LRRTM4: variants seen among roughly 807,000 people sequenced by gnomAD.
The protein encoded by LRRTM4 is leucine rich repeat transmembrane neuronal 4, also known as leucine-rich repeat transmembrane neuronal protein 4.
In LRRTM4, 25 loss-of-function variants were observed where a neutral mutation model predicts 47.6. The observed-to-expected ratio is 0.53, with a 90% CI of 0.38 to 0.73. The LOEUF is 0.73. LRRTM4 is among the 30% of genes least tolerant of loss of function. The probability of loss-of-function intolerance (pLI) is 0.00; values close to 1 mark genes in which losing one functional copy is unlikely to be tolerated. For missense variants in LRRTM4, 638 were observed against 713.4 expected, an observed-to-expected ratio of 0.89 and a Z score of 1.20; for synonymous variants, 311 against 269.5, an observed-to-expected ratio of 1.15 and a Z score of -1.51.
intron 3 of LRRTM4, among the ~76,000 whole-genome samples, chr2:76,762,969 C>T (rs959466454): frequency 3.3e-5 from 5 of 152,014 alleles, no homozygotes; most frequent in South Asian, 2.1e-4. Context: ...ATATGACTGA[C>T]GGAAAAGAGA....
At chr2:77,084,467 T>C (rs1387024415) in intron 3 of LRRTM4, among the ~76,000 whole-genome samples, 4 of 152,232 alleles carry the variant, frequency 2.6e-5, no homozygotes, top group Admixed American at 1.3e-4. Context: ...TGTTGTGTTC[T>C]TTCTCACAGC....
At chr2:77,487,490 C>A (rs1006475657) in intron 3 of LRRTM4, among the ~76,000 whole-genome samples, 2 of 152,180 alleles carry the variant, frequency 1.3e-5, no homozygotes, top group African/African-American at 4.8e-5. Flanking sequence ...TTCCCACGAA[C>A]GCAGGAGAGA....
chr2:76,916,452 C>G (rs1203878323), intron 3 of LRRTM4, among the ~76,000 whole-genome samples: 2 of 146,700 alleles, frequency 1.4e-5, no homozygotes, highest in Non-Finnish European at 3.0e-5. Flanking sequence ...TGTAAAATTA[C>G]CAGCATCTGA....
intron 3 of LRRTM4, among the ~76,000 whole-genome samples, chr2:77,034,431 A>C (rs1678767403): frequency 6.6e-6 from 1 of 151,894 alleles, no homozygotes; most frequent in African/African-American, 2.4e-5. Context: ...GCACATTCCT[A>C]GACATAAATA....
intron 3 of LRRTM4, among the ~76,000 whole-genome samples, chr2:76,868,137 GTTGATA>G (rs1672517216): frequency 6.6e-6 from 1 of 152,166 alleles, no homozygotes; most frequent in South Asian, 2.1e-4. Context: ...AAAGTCATCT[GTTGATA>G]TTAAGAATAT....
At chr2:76,946,257 T>C (rs555482275) in intron 3 of LRRTM4, among the ~76,000 whole-genome samples, 1 of 152,060 alleles carries the variant, frequency 6.6e-6, no homozygotes, top group Admixed American at 6.5e-5. Context: ...TATAAAACTT[T>C]TGCATGATCT....
chr2:77,468,185 A>G (rs1276705036), intron 3 of LRRTM4, among the ~76,000 whole-genome samples: 2 of 152,222 alleles, frequency 1.3e-5, no homozygotes, highest in Non-Finnish European at 2.9e-5. Context: ...ATAGGAAAAT[A>G]GCAGAGAATG....
intron 3 of LRRTM4, among the ~76,000 whole-genome samples, chr2:77,193,823 C>T (rs1369882183): frequency 6.6e-6 from 1 of 152,164 alleles, no homozygotes; most frequent in Non-Finnish European, 1.5e-5. Flanking sequence ...AACTGCTGCA[C>T]ACTTTTAGGA....
At chr2:76,823,176 G>T (rs1345777290) in intron 3 of LRRTM4, among the ~76,000 whole-genome samples, 1 of 151,284 alleles carries the variant, frequency 6.6e-6, no homozygotes, top group Non-Finnish European at 1.5e-5. Context: ...ATAGAAATAT[G>T]TTGATATCAA....
At chr2:77,058,263 A>C (rs1322171323) in intron 3 of LRRTM4, among the ~76,000 whole-genome samples, 5 of 152,164 alleles carry the variant, frequency 3.3e-5, no homozygotes, top group Admixed American at 3.3e-4. Flanking sequence ...GCTTTTGGTC[A>C]TATAAAAAGT....
At chr2:77,313,504 G>T (rs556302724) in intron 3 of LRRTM4, among the ~76,000 whole-genome samples, 1 of 151,172 alleles carries the variant, frequency 6.6e-6, no homozygotes, top group Admixed American at 6.6e-5. Flanking sequence ...AGTTGGTGTT[G>T]TGATGTTCCT....
chr2:77,250,407 G>C (rs913128561), intron 3 of LRRTM4, among the ~76,000 whole-genome samples: 49 of 152,128 alleles, frequency 3.2e-4, no homozygotes, highest in African/African-American at 1.1e-3. Flanking sequence ...TGCATAGATG[G>C]AGTAGAGGGA....
chr2:76,963,668 T>G (rs114806096), intron 3 of LRRTM4, among the ~76,000 whole-genome samples: 2,500 of 150,964 alleles, frequency 0.017, 81 homozygotes, highest in African/African-American at 0.057. Context: ...GCCTTAGGAT[T>G]TTCGTACTGT....
chr2:76,995,219 T>TA (rs1558785342), intron 3 of LRRTM4, among the ~76,000 whole-genome samples: 1 of 152,088 alleles, frequency 6.6e-6, no homozygotes, highest in Non-Finnish European at 1.5e-5. Context: ...TCATATTTCC[T>TA]ATGAATTAAG....
chr2:77,061,551 T>C (rs918438885), intron 3 of LRRTM4, among the ~76,000 whole-genome samples: 4 of 152,128 alleles, frequency 2.6e-5, no homozygotes, highest in Non-Finnish European at 4.4e-5. Context: ...TTCAAATCTC[T>C]CCAGAAAGAG....
At chr2:77,069,918 C>T (rs1288997053) in intron 3 of LRRTM4, among the ~76,000 whole-genome samples, 1 of 152,164 alleles carries the variant, frequency 6.6e-6, no homozygotes, top group Non-Finnish European at 1.5e-5. Context: ...AAGTTGAAAA[C>T]ACTTGCCTGT....
At chr2:76,984,531 G>C (rs994231996) in intron 3 of LRRTM4, among the ~76,000 whole-genome samples, 9 of 151,910 alleles carry the variant, frequency 5.9e-5, no homozygotes, top group African/African-American at 1.9e-4. Context: ...AAAGCCTGTT[G>C]GATGACACAT....
intron 3 of LRRTM4, among the ~76,000 whole-genome samples, chr2:76,857,312 A>ATATATATAATATATATAT (rs1410345938): frequency 1.4e-5 from 2 of 147,768 alleles, no homozygotes; most frequent in African/African-American, 4.9e-5. Context: ...TATATATAAT[A>ATATATATAATATATATAT]TATATATAAT....
At chr2:77,208,861 G>A (rs1439266443) in intron 3 of LRRTM4, among the ~76,000 whole-genome samples, 5 of 152,164 alleles carry the variant, frequency 3.3e-5, no homozygotes, top group Admixed American at 3.3e-4. Flanking sequence ...ATATCTTGAT[G>A]TGAATTAACC....
Sources: gnomAD v4.1 joint callset for allele counts (sites outside exome capture counted in the v4.1 genomes callset) on GRCh38, gnomAD v4.1.1 for gene constraint, MANE v1.5 for transcripts, NCBI Gene and HGNC (gene_info 2026-07-23, HGNC 2026-07-21) for gene names.